Variants in PACSIN2 observed in about 807,000 individuals in gnomAD.
PACSIN2 encodes the protein protein kinase C and casein kinase substrate in neurons 2.
In PACSIN2, 25 loss-of-function variants were observed where a neutral mutation model predicts 63.8. The observed-to-expected ratio is 0.39, with a 90% confidence interval of 0.29 to 0.55. The LOEUF is 0.55. Ranked by LOEUF, PACSIN2 falls within the 20% of genes least tolerant of loss-of-function variation. The probability of loss-of-function intolerance (pLI) is 0.62; values close to 1 mark genes in which losing one functional copy is unlikely to be tolerated. For synonymous variants in PACSIN2, 255 were observed against 256.2 expected (o/e 1.00, Z 0.05); for missense variants, 518 against 646.9 (o/e 0.80, Z 2.16).
intron 2 of PACSIN2, among the ~76,000 whole-genome samples, chr22:42,897,268 C>A (rs1466284723): frequency 1.3e-5 from 2 of 152,122 alleles, no homozygotes; most frequent in Non-Finnish European, 2.9e-5. Context: ...TTTAAAAAAT[C>A]AAACGTATAA....
At chr22:42,971,821 G>C (rs572082627) in intron 1 of PACSIN2, among the ~76,000 whole-genome samples, 85 of 150,486 alleles carry the variant, frequency 5.6e-4, no homozygotes, top group African/African-American at 1.9e-3. Flanking sequence ...CCCCCGCCCG[G>C]CCAGCAGCCC....
rs1602176158 is a variant in PACSIN2 at position 42,882,217 on chromosome 22, C to A, written c.873G>T (p.Gly291=). 6.2e-7 allele frequency: 1 copy of A among 1,614,078 alleles called. No homozygotes were observed. The highest frequency in any genetic ancestry group is 2.2e-5 in the East Asian group (1 of 44,878). Residue 291 remains glycine (G), a synonymous_variant, in exon 7 of 11, where the codon GGG becomes GGT. Coordinates refer to ENST00000263246, the MANE Select transcript of PACSIN2 (RefSeq NM_001184970.3). ...EDLRWFRANH[G]PGMAMNWPQF... is the part of the protein sequence containing the mutation. ...GCGGCCAGTTCATGGCCATGCCCGG[C>A]CCGTGATTGGCTCGGAACCACCTCA...
At chr22:42,978,813 C>T (rs1413111749) in intron 1 of PACSIN2, among the ~76,000 whole-genome samples, 1 of 152,156 alleles carries the variant, frequency 6.6e-6, no homozygotes, top group Non-Finnish European at 1.5e-5. Context: ...TGGTCCCTGC[C>T]CCTTAACTGG....
At chr22:42,884,610 T>C (rs572642892) in intron 5 of PACSIN2, 49 bp from the exon 6 acceptor site, 1 of 1,524,258 alleles carries the variant, frequency 6.6e-7, no homozygotes. Context: ...CATTTAGCCC[T>C]TGGCTCACCC....
intron 1 of PACSIN2, among the ~76,000 whole-genome samples, chr22:42,996,261 C>T (rs188993247): frequency 0.026 from 3,860 of 145,866 alleles, 109 homozygotes; most frequent in Admixed American, 0.075. Context: ...ACACTGGACG[C>T]GGTGGCTCAC....
chr22:42,885,899 C>T (rs1182970339), intron 5 of PACSIN2, among the ~76,000 whole-genome samples: 7 of 152,176 alleles, frequency 4.6e-5, no homozygotes, highest in African/African-American at 1.7e-4. Flanking sequence ...TGTGGCTATT[C>T]CCCTATTCCC....
intron 1 of PACSIN2, among the ~76,000 whole-genome samples, chr22:42,956,258 A>C (rs1411404986): frequency 1.3e-5 from 2 of 152,246 alleles, no homozygotes; most frequent in Non-Finnish European, 1.5e-5. Context: ...TAAGTTTCTC[A>C]AAATAAAATA....
chr22:42,971,276 G>A (rs1345467636), intron 1 of PACSIN2, among the ~76,000 whole-genome samples: 5 of 152,138 alleles, frequency 3.3e-5, no homozygotes, highest in Admixed American at 6.5e-5. Context: ...TGGTGGAGAC[G>A]GGGTTTCGCC....
At chr22:42,982,243 A>G (rs1601601844) in intron 1 of PACSIN2, among the ~76,000 whole-genome samples, 1 of 49,586 alleles carries the variant, frequency 2.0e-5, no homozygotes, top group Non-Finnish European at 3.7e-5. Flanking sequence ...CCCGTCCGGG[A>G]GGGTGGTGGG....
At chr22:42,968,417 A>G (rs1921007048) in intron 1 of PACSIN2, among the ~76,000 whole-genome samples, 1 of 152,180 alleles carries the variant, frequency 6.6e-6, no homozygotes, top group African/African-American at 2.4e-5. Flanking sequence ...TTCTCCTTCT[A>G]TATTTTGGAT....
rs551379685 is a variant in PACSIN2 at position 42,911,158 on chromosome 22, C to A, written c.60+863G>T. ...TGACCTCAAGATCCACCCGCCTCGG[C>A]CTCCCAAAGTGCTGGGGTTACAGAC... On this transcript the variant is annotated intron_variant, in intron 2 of 10. Transcript: ENST00000263246. 4.6e-5 allele frequency among the ~76,000 whole-genome samples: 7 copies of A among 152,168 alleles called. No homozygotes were observed. In the South Asian group the frequency reaches 1.5e-3, roughly 32 times the overall value.
rs755774117 is a variant in PACSIN2 at position 42,891,172 on chromosome 22, G to A, written c.228C>T (p.Tyr76=). 5.6e-6 allele frequency: 9 copies of A among 1,612,860 alleles called. No individual in the cohort carries two copies. Among genetic ancestry groups the A allele is most frequent in the Non-Finnish European group, 6.8e-6 (8 of 1,179,446 alleles). The change falls in exon 4 of 11, where the codon TAC becomes TAT. Residue 76 remains tyrosine, a synonymous_variant. Transcript: ENST00000263246. ...CCATCCAGGCCTTCTCCACGGTCCCGTACTGGGGCCCTGTGCAGGGGAGAG... is the reference window on the plus strand; with the variant it reads ...CCATCCAGGCCTTCTCCACGGTCCCATACTGGGGCCCTGTGCAGGGGAGAG... The part of the protein sequence containing the change: ...WRQLVEKGPQ[Y]GTVEKAWMAF...
At chr22:42,976,807 C>A (rs971242064) in intron 1 of PACSIN2, among the ~76,000 whole-genome samples, 1 of 152,126 alleles carries the variant, frequency 6.6e-6, no homozygotes, top group Non-Finnish European at 1.5e-5. Context: ...AATTGTCCTG[C>A]CAATTTTATA....
In PACSIN2 at chr22:42,894,458, G is replaced by A. The variant is rs148774758; in HGVS notation, c.61-845C>T. The stretch of plus-strand genomic sequence containing the variant: ...GGGTTTCACCATGTTGGCCAGGATG[G>A]TCTCAATCTCCTGACCTTGTGATCC... On this transcript the variant is annotated intron_variant, in intron 2 of 10. Coordinates refer to ENST00000263246, the MANE Select transcript of PACSIN2 (RefSeq NM_001184970.3). Among the ~76,000 whole-genome samples the A allele has an allele frequency of 2.6e-5, 4 of 152,158 alleles. No homozygotes were observed. The East Asian group carries it at 5.8e-4, about 22-fold the overall frequency.
At chr22:42,950,839 C>T (rs538849421) in intron 1 of PACSIN2, among the ~76,000 whole-genome samples, 129 of 152,170 alleles carry the variant, frequency 8.5e-4, no homozygotes, top group African/African-American at 2.7e-3. Context: ...TGTGGGGTCC[C>T]GGGATGGGTA....
intron 1 of PACSIN2, among the ~76,000 whole-genome samples, chr22:42,970,096 G>A (rs1179366154): frequency 6.6e-6 from 1 of 152,154 alleles, no homozygotes; most frequent in Non-Finnish European, 1.5e-5. Flanking sequence ...CACAGCCCAA[G>A]TCCTCACGCT....
At chr22:42,970,485 T>C (rs1178600799) in intron 1 of PACSIN2, among the ~76,000 whole-genome samples, 1 of 152,222 alleles carries the variant, frequency 6.6e-6, no homozygotes, top group Non-Finnish European at 1.5e-5. Context: ...AAATAAGCTA[T>C]GGTTACATAA....
intron 1 of PACSIN2, among the ~76,000 whole-genome samples, chr22:42,998,004 G>T (rs1923529107): frequency 6.6e-6 from 1 of 152,188 alleles, no homozygotes; most frequent in Non-Finnish European, 1.5e-5. Flanking sequence ...AATCTAACAG[G>T]CCAGAGCTTT....
intron 1 of PACSIN2, among the ~76,000 whole-genome samples, chr22:42,976,933 C>A (rs540876296): frequency 6.6e-6 from 1 of 152,134 alleles, no homozygotes; most frequent in African/African-American, 2.4e-5. Context: ...TTTCTCCAGC[C>A]GACACAATAC....
Sources: gnomAD v4.1 joint callset for allele counts (sites outside exome capture counted in the v4.1 genomes callset) on GRCh38, gnomAD v4.1.1 for gene constraint, MANE v1.5 for transcripts, NCBI Gene and HGNC (gene_info 2026-07-23, HGNC 2026-07-21) for gene names.